MAP3K4: variants seen among roughly 807,000 people sequenced by gnomAD.
MAP3K4 encodes the protein MAP three kinase 1.
MAP3K4 carries 67 observed loss-of-function variants against 185.6 expected under a neutral mutation model. The ratio of observed to expected loss-of-function variants is 0.36; its 90% CI spans 0.30 to 0.44. The LOEUF (loss-of-function observed/expected upper bound fraction) is 0.44, where lower values mean the gene tolerates loss of function less well. MAP3K4 is among the 20% of genes least tolerant of loss of function. The pLI, the probability that MAP3K4 is intolerant of heterozygous loss-of-function variation, is 1.00. For synonymous variants in MAP3K4, 702 were observed against 710.4 expected (o/e 0.99, Z 0.19); for missense variants, 1,551 against 1,995.1 (o/e 0.78, Z 4.24).
In MAP3K4 at chr6:161,034,568, T is replaced by A. The variant is rs533252685; in HGVS notation, c.343+119T>A. The A allele has an allele frequency of 6.9e-6, 5 of 719,874 alleles. No individual in the cohort carries two copies. The South Asian group carries it at 1.2e-4, about 18-fold the overall frequency. 44.6% of individuals were successfully genotyped at this position (719,874 alleles called of 1,614,324 possible). On this transcript the variant is annotated intron_variant, in intron 2 of 26. Transcript: ENST00000392142. The surrounding 1 kb of genome is among the most constrained non-coding windows in gnomAD (Gnocchi z 4.4). The stretch of plus-strand genomic sequence containing the variant: ...ATTTGATTTTAATGCTCCTGTAAAG[T>A]TCAATTTTTTTTTGAATTATTACCA...
chr6:161,073,428 G>GTTTA lies in MAP3K4; in HGVS notation c.1951-36_1951-33dup. ...ATAAAACACGGATCGTCTGGTTGGA[G>GTTTA]TTTATGGCTGCTGGAACCTGTGTGT... is the stretch of plus-strand genomic sequence containing the variant. On this transcript the variant is annotated intron_variant, in intron 4 of 26. Transcript: ENST00000392142. The surrounding 1 kb of genome is among the most constrained non-coding windows in gnomAD (Gnocchi z 4.2). The GTTTA allele has an allele frequency of 6.5e-7, 1 of 1,532,040 alleles. No individual in the cohort carries two copies. Among genetic ancestry groups the GTTTA allele is most frequent in the South Asian group, 1.3e-5 (1 of 79,386 alleles). The allele number at this position is 1,532,040 out of a possible 1,614,324, so 94.9% of individuals were successfully genotyped here. A position where few individuals can be genotyped will look rare whatever the true frequency, so the allele number is the denominator to read the frequency against.
At position 161,077,337 on chromosome 6, in the gene MAP3K4, T is replaced by C. The variant is rs898062871; in HGVS notation, c.2098-3544T>C. On this transcript the variant is annotated intron_variant, in intron 5 of 26. Transcript: ENST00000392142. The surrounding 1 kb of genome is among the most constrained non-coding windows in gnomAD (Gnocchi z 4.3). The stretch of plus-strand genomic sequence containing the variant: ...TTAAAGAAAAATCAACAAGAACATA[T>C]CTAAAGCAAATATGACAAAATACTA... Among the ~76,000 whole-genome samples the C allele has an allele frequency of 6.6e-6, 1 of 152,208 alleles. No individual in the cohort carries two copies. Among genetic ancestry groups the C allele is most frequent in the African/African-American group, 2.4e-5 (1 of 41,450 alleles).
chr6:161,041,274 G>A (rs1199779769), intron 2 of MAP3K4, among the ~76,000 whole-genome samples: 3 of 152,196 alleles, frequency 2.0e-5, no homozygotes, highest in Non-Finnish European at 4.4e-5. Flanking sequence ...TGCTGACCAC[G>A]CTGATGCCTT....
At chr6:161,014,649 C>G (rs999512313) in intron 1 of MAP3K4, among the ~76,000 whole-genome samples, 4 of 152,134 alleles carry the variant, frequency 2.6e-5, no homozygotes, top group Admixed American at 6.5e-5. Context: ...CATTGTGTCT[C>G]TAGGATATCA....
Position 161,075,753 on chromosome 6 carries a change from G to A in MAP3K4, c.2097+2141G>A, listed in dbSNP as rs6933810. On this transcript the variant is annotated intron_variant, in intron 5 of 26. Transcript: ENST00000392142. The surrounding 1 kb of genome is among the most constrained non-coding windows in gnomAD (Gnocchi z 4.3). The stretch of plus-strand genomic sequence containing the variant: ...AAGTGACTTACCAACATTCACAGCT[G>A]GTTAGTTTTAGAAAGGCTTAGAGTT... 0.9 allele frequency among the ~76,000 whole-genome samples: 137,594 copies of A among 152,200 alleles called. 62,370 individuals are homozygous for A. Among genetic ancestry groups the A allele is most frequent in the East Asian group, 0.99 (5,113 of 5,156 alleles).
At chr6:161,066,539 T>G (rs1307954971) in intron 3 of MAP3K4, among the ~76,000 whole-genome samples, 2 of 152,216 alleles carry the variant, frequency 1.3e-5, no homozygotes, top group African/African-American at 4.8e-5. Context: ...TAATTTATTA[T>G]TTTCCAGAGG....
chr6:161,109,072 C>A lies in MAP3K4; in HGVS notation c.4236+213C>A. The A allele has an allele frequency of 7.2e-7, 1 of 1,392,368 alleles. No individual in the cohort carries two copies. Among genetic ancestry groups the A allele is most frequent in the Non-Finnish European group, 9.8e-7 (1 of 1,019,726 alleles). The allele number at this position is 1,392,368 out of a possible 1,614,324, so 86.3% of individuals were successfully genotyped here. On this transcript the variant is annotated intron_variant, in intron 22 of 26. Coordinates refer to ENST00000392142, the MANE Select transcript of MAP3K4 (RefSeq NM_005922.4). This position sits in a 1 kb window ranked among gnomAD's most constrained non-coding sequence, Gnocchi z 5.7. ...TTGTAGACTGTAGTCATTAACCCGA[C>A]ATCATAAAGCACTGAAACCCATCCT...
chr6:160,997,909 T>C (rs773151088), intron 1 of MAP3K4, among the ~76,000 whole-genome samples: 12 of 152,174 alleles, frequency 7.9e-5, no homozygotes, highest in Non-Finnish European at 8.8e-5. Context: ...GGCTGAGAAT[T>C]CATGAGCCTA....
In MAP3K4 at chr6:161,116,981, A is replaced by G; in HGVS notation, c.*111A>G. On this transcript the variant is annotated 3_prime_UTR_variant, in exon 27 of 27. Transcript: ENST00000392142. The surrounding 1 kb of genome is among the most constrained non-coding windows in gnomAD (Gnocchi z 6.2). ...AAGCCTTTTTAACCTTCCAAGACTG[A>G]AGACTGCACAGGTGACAAGCGTCAC... 1 of 983,950 alleles carries G rather than the reference A, an allele frequency of 1.0e-6. No homozygotes were observed. The highest frequency in any genetic ancestry group is 1.6e-5 in the African/African-American group (1 of 62,424). The allele number at this position is 983,950 out of a possible 1,614,324, so 61.0% of individuals were successfully genotyped here. A position where few individuals can be genotyped will look rare whatever the true frequency, so the allele number is the denominator to read the frequency against.
Position 161,070,644 on chromosome 6 carries a change from T to C in MAP3K4, c.1744T>C (p.Tyr582His). Residue 582 changes from tyrosine (Y) to histidine (H), a missense_variant, in exon 4 of 27, where the codon TAT (tyrosine) becomes CAT (histidine). By Grantham distance (83) the Tyr-to-His change is moderately conservative. Transcript: ENST00000392142. This position sits in a 1 kb window ranked among gnomAD's most constrained non-coding sequence, Gnocchi z 4.5. ...EFPDPMWGSD[Y>H]VQLSRTPPSS... The stretch of plus-strand genomic sequence containing the variant: ...TCCAGATCCCATGTGGGGTTCAGAT[T>C]ATGTGCAGTTGTCAAGGACACCACC... 6.2e-7 allele frequency: 1 copy of C among 1,614,002 alleles called. No homozygotes were observed. Among genetic ancestry groups the C allele is most frequent in the Non-Finnish European group, 8.5e-7 (1 of 1,179,982 alleles).
rs200478071 is a variant in MAP3K4 at position 161,107,044 on chromosome 6, G to A, written c.4048+339G>A. ...AGTTTCTCTCTCTCTCTCTACACACGCGCGCGCACACACACACACACACAC... is the reference window on the plus strand; with the variant it reads ...AGTTTCTCTCTCTCTCTCTACACACACGCGCGCACACACACACACACACAC... On this transcript the variant is annotated intron_variant, in intron 20 of 26. Transcript: ENST00000392142. This position sits in a 1 kb window ranked among gnomAD's most constrained non-coding sequence, Gnocchi z 6.2. 0.015 allele frequency among the ~76,000 whole-genome samples: 478 copies of A among 31,394 alleles called. 6 individuals are homozygous for A. The highest frequency in any genetic ancestry group is 0.12 in the South Asian group (73 of 596). The allele number at this position is 31,394 out of a possible 152,430, so 20.6% of individuals were successfully genotyped here.
chr6:160,999,064 A>G (rs944128095), intron 1 of MAP3K4, among the ~76,000 whole-genome samples: 11 of 152,244 alleles, frequency 7.2e-5, no homozygotes, highest in Admixed American at 3.3e-4. Flanking sequence ...TAGGCAGTCT[A>G]TCAAAAGCAT....
intron 1 of MAP3K4, among the ~76,000 whole-genome samples, chr6:161,002,203 C>T (rs572815943): frequency 3.3e-5 from 5 of 152,100 alleles, no homozygotes; most frequent in African/African-American, 7.2e-5. Flanking sequence ...AGAACTGTAA[C>T]GCTACTGATT....
At chr6:161,039,894 G>C (rs1005999533) in intron 2 of MAP3K4, among the ~76,000 whole-genome samples, 8 of 152,166 alleles carry the variant, frequency 5.3e-5, no homozygotes, top group African/African-American at 1.9e-4. Context: ...TTATAACCAT[G>C]TTCCCTATAG....
Position 161,101,673 on chromosome 6 carries a change from G to C in MAP3K4, c.3675-219G>C. 1 of 481,724 alleles carries C rather than the reference G, an allele frequency of 2.1e-6. No homozygotes were observed. 29.8% of individuals were successfully genotyped at this position (481,724 alleles called of 1,614,324 possible). On this transcript the variant is annotated intron_variant, in intron 17 of 26. Transcript: ENST00000392142. This position sits in a 1 kb window ranked among gnomAD's most constrained non-coding sequence, Gnocchi z 5.1. The stretch of plus-strand genomic sequence containing the variant: ...TCTCCACAGCAGCGCTGTTCACTTA[G>C]GGGGCTGATTCTGGTGGGTCTGTCC...
rs1170887646 is a variant in MAP3K4 at position 161,037,544 on chromosome 6, G to A, written c.343+3095G>A. ...AGCAATTCTCCTGCCTCACCCTCCC[G>A]AGTAGCTAGGACTACAGGCATGCGC... On this transcript the variant is annotated intron_variant, in intron 2 of 26. Transcript: ENST00000392142. This position sits in a 1 kb window ranked among gnomAD's most constrained non-coding sequence, Gnocchi z 4.2. Among the ~76,000 whole-genome samples the A allele has an allele frequency of 6.6e-5, 10 of 151,954 alleles. No homozygotes were observed. The highest frequency in any genetic ancestry group is 2.1e-4 in the South Asian group (1 of 4,816).
At position 161,017,190 on chromosome 6, in the gene MAP3K4, T is replaced by C. The variant is rs1244301146; in HGVS notation, c.153-17069T>C. ...GGTTCTATACAGTTAAAATTATTCT[T>C]GGTAGAGGAGGGATACATTTGTATA... On this transcript the variant is annotated intron_variant, in intron 1 of 26. Transcript: ENST00000392142. The surrounding 1 kb of genome is among the most constrained non-coding windows in gnomAD (Gnocchi z 5.1). Among the ~76,000 whole-genome samples, 1 of 152,190 alleles carries C rather than the reference T, an allele frequency of 6.6e-6. No individual in the cohort carries two copies. Among genetic ancestry groups the C allele is most frequent in the Non-Finnish European group, 1.5e-5 (1 of 68,014 alleles).
intron 17 of MAP3K4, among the ~76,000 whole-genome samples, chr6:161,099,824 A>G (rs937965873): frequency 6.6e-6 from 1 of 152,192 alleles, no homozygotes; most frequent in African/African-American, 2.4e-5. Context: ...CATTATGTGT[A>G]TTTTAGTATA....
rs1196702249 is a variant in MAP3K4 at position 161,115,156 on chromosome 6, A to G, written c.4660A>G (p.Ile1554Val). ...GCATGAGTATGAGCACAACTTTCAAATTATGTATAAAGTGGGGATGGGACA... is the reference window on the plus strand; with the variant it reads ...GCATGAGTATGAGCACAACTTTCAAGTTATGTATAAAGTGGGGATGGGACA... ...PWHEYEHNFQ[I>V]MYKVGMGHKP... is the part of the protein sequence containing the mutation. Residue 1554 changes from isoleucine to valine, a missense_variant, in exon 26 of 27, where the codon ATT (isoleucine) becomes GTT (valine). By Grantham distance (29) the Ile-to-Val change is conservative. This residue lies in a region of MAP3K4 where 159 missense variants were observed against 300.5 expected (regional missense o/e 0.53). Coordinates refer to ENST00000392142, the MANE Select transcript of MAP3K4 (RefSeq NM_005922.4). The surrounding 1 kb of genome is among the most constrained non-coding windows in gnomAD (Gnocchi z 6.0). The G allele has an allele frequency of 7.4e-6, 12 of 1,613,892 alleles. No homozygotes were observed. The highest frequency in any genetic ancestry group is 1.0e-5 in the Non-Finnish European group (12 of 1,179,886).
Sources: gnomAD v4.1 joint callset for allele counts (sites outside exome capture counted in the v4.1 genomes callset) on GRCh38, gnomAD v4.1.1 for gene constraint, gnomAD v4.1.1 regional missense constraint, Gnocchi (gnomAD v3.1) non-coding constraint, MANE v1.5 for transcripts, NCBI Gene and HGNC (gene_info 2026-07-23, HGNC 2026-07-21) for gene names.